The following CSMD3 variants were observed in gnomAD, a reference collection of about 807,000 sequenced individuals.
CSMD3 encodes the protein CUB and sushi domain-containing protein 3.
In CSMD3, 177 loss-of-function variants were observed where a neutral mutation model predicts 435.2. That is an observed-to-expected ratio of 0.41 (90% CI 0.36 to 0.46). The LOEUF (loss-of-function observed/expected upper bound fraction) is 0.46. CSMD3 is among the 20% of genes least tolerant of loss of function. The pLI is 0.34. For synonymous variants in CSMD3, 1,656 were observed against 1,520.5 expected, an observed-to-expected ratio of 1.09 and a Z score of -2.07; for missense variants, 4,265 against 4,504.6, an observed-to-expected ratio of 0.95 and a Z score of 1.52.
At chr8:112,892,043 C>T (rs568771921) in intron 10 of CSMD3, among the ~76,000 whole-genome samples, 11 of 151,594 alleles carry the variant, frequency 7.3e-5, no homozygotes, top group Middle Eastern at 3.4e-3. Flanking sequence ...TGAATGAATA[C>T]TATATGTATT....
chr8:112,495,609 A>G (rs2130874421), intron 30 of CSMD3, among the ~76,000 whole-genome samples: 1 of 152,332 alleles, frequency 6.6e-6, no homozygotes, highest in African/African-American at 2.4e-5. Context: ...CATATGCCAT[A>G]GCAATTACAC....
At chr8:112,466,376 C>A (rs1204644199) in intron 32 of CSMD3, among the ~76,000 whole-genome samples, 2 of 151,884 alleles carry the variant, frequency 1.3e-5, no homozygotes, top group Non-Finnish European at 2.9e-5. Flanking sequence ...AAAGAGGTAA[C>A]CACAACATAG....
chr8:112,496,859 A>G (rs967848382), intron 30 of CSMD3, among the ~76,000 whole-genome samples: 14 of 152,084 alleles, frequency 9.2e-5, no homozygotes, highest in Admixed American at 9.2e-4. Context: ...AAAATAATTA[A>G]AAAGAATGAA....
intron 10 of CSMD3, among the ~76,000 whole-genome samples, chr8:112,914,271 G>A (rs531877035): frequency 1.3e-5 from 2 of 151,906 alleles, no homozygotes; most frequent in East Asian, 2.0e-4. Flanking sequence ...CTTTAGGGAT[G>A]TTCTCTGGTT....
At chr8:112,751,468 G>A (rs1435704344) in intron 13 of CSMD3, among the ~76,000 whole-genome samples, 1 of 152,032 alleles carries the variant, frequency 6.6e-6, no homozygotes, top group Non-Finnish European at 1.5e-5. Context: ...TTGAAATATA[G>A]GTCCATCAAT....
chr8:112,911,921 A>T (rs1463274821), intron 10 of CSMD3, among the ~76,000 whole-genome samples: 9 of 128,490 alleles, frequency 7.0e-5, no homozygotes, highest in Non-Finnish European at 1.3e-4. Flanking sequence ...TTTATGAGGC[A>T]TGAATTTTTT....
At chr8:113,359,829 G>A (rs1301176168) in intron 1 of CSMD3, among the ~76,000 whole-genome samples, 1 of 152,148 alleles carries the variant, frequency 6.6e-6, no homozygotes, top group Non-Finnish European at 1.5e-5. Flanking sequence ...AGAAAACAGT[G>A]GAGATGGTGG....
intron 11 of CSMD3, among the ~76,000 whole-genome samples, chr8:112,855,450 T>A (rs1316198043): frequency 6.6e-6 from 1 of 152,122 alleles, no homozygotes; most frequent in Non-Finnish European, 1.5e-5. Flanking sequence ...ATGGAAAAAC[T>A]GTAAAATCAA....
chr8:112,380,057 A>C (rs756665818), intron 38 of CSMD3, among the ~76,000 whole-genome samples: 20 of 152,180 alleles, frequency 1.3e-4, no homozygotes, highest in Non-Finnish European at 2.4e-4. Context: ...CTGTTGCATA[A>C]TATTGGACTT....
At chr8:113,205,617 T>C (rs111732996) in intron 3 of CSMD3, among the ~76,000 whole-genome samples, 1 of 152,282 alleles carries the variant, frequency 6.6e-6, no homozygotes, top group African/African-American at 2.4e-5. Context: ...AAGCAATGCA[T>C]GACTTAACAG....
chr8:113,266,049 T>A (rs1448478536), intron 3 of CSMD3, among the ~76,000 whole-genome samples: 1 of 151,468 alleles, frequency 6.6e-6, no homozygotes, highest in African/African-American at 2.4e-5. Flanking sequence ...AACATAATCT[T>A]ATCTTACTAA....
At chr8:112,711,507 A>G (rs926034413) in intron 13 of CSMD3, among the ~76,000 whole-genome samples, 7 of 152,174 alleles carry the variant, frequency 4.6e-5, no homozygotes, top group Admixed American at 2.6e-4. Context: ...AATAACTGGC[A>G]TCTAATATGC....
chr8:112,337,273 C>T (rs1228182036), intron 43 of CSMD3, among the ~76,000 whole-genome samples: 1 of 152,126 alleles, frequency 6.6e-6, no homozygotes, highest in African/African-American at 2.4e-5. Flanking sequence ...TACAAACCCA[C>T]ATGCACCCCC....
chr8:112,718,999 T>A (rs1010361035), intron 13 of CSMD3, among the ~76,000 whole-genome samples: 3 of 152,196 alleles, frequency 2.0e-5, no homozygotes, highest in African/African-American at 7.2e-5. Flanking sequence ...TTTTTCTGTA[T>A]AAATTCACTC....
At chr8:113,110,658 T>C (rs1027815934) in intron 4 of CSMD3, among the ~76,000 whole-genome samples, 3 of 152,196 alleles carry the variant, frequency 2.0e-5, no homozygotes, top group African/African-American at 4.8e-5. Context: ...CTCACCAAGA[T>C]TGCCCTTAAT....
At chr8:113,298,552 T>C (rs1317488669) in intron 2 of CSMD3, among the ~76,000 whole-genome samples, 2 of 152,166 alleles carry the variant, frequency 1.3e-5, no homozygotes, top group East Asian at 3.9e-4. Flanking sequence ...ATCAAGAGGA[T>C]AGTAGGTACT....
At chr8:113,264,155 T>C (rs118159724) in intron 3 of CSMD3, among the ~76,000 whole-genome samples, 4,479 of 151,462 alleles carry the variant, frequency 0.03, 88 homozygotes, top group Admixed American at 0.04. Context: ...TACTAAGTTT[T>C]GGGAAGGGGA....
At chr8:112,262,006 A>C (rs1271033587) in intron 61 of CSMD3, among the ~76,000 whole-genome samples, 1 of 151,972 alleles carries the variant, frequency 6.6e-6, no homozygotes, top group African/African-American at 2.4e-5. Context: ...ATAATGAGAA[A>C]TTTTCATATT....
chr8:112,296,816 AT>A (rs1296250934), intron 53 of CSMD3, among the ~76,000 whole-genome samples: 1 of 151,894 alleles, frequency 6.6e-6, no homozygotes, highest in African/African-American at 2.4e-5. Flanking sequence ...TTCTCTAAAA[AT>A]AGCAACAAAA....
Sources: allele counts gnomAD v4.1 joint callset (sites outside exome capture counted in the v4.1 genomes callset), GRCh38; gene constraint gnomAD v4.1.1; transcripts MANE v1.5; gene names NCBI Gene and HGNC (gene_info 2026-07-23, HGNC 2026-07-21).